The following PCDH15 variants were observed in gnomAD, a reference collection of about 807,000 sequenced individuals.
PCDH15 encodes the protein protocadherin related 15.
PCDH15 carries 129 observed loss-of-function variants against 178.5 expected under a neutral mutation model. That is an observed-to-expected ratio of 0.72 (90% CI 0.63 to 0.84). The LOEUF (loss-of-function observed/expected upper bound fraction) is 0.84. Among genes scored for constraint, PCDH15 ranks in the 40% least tolerant of loss-of-function variants. The pLI is 0.00. For synonymous variants in PCDH15, 800 were observed against 732.0 expected (o/e 1.09, Z -1.50); for missense variants, 2,230 against 2,099.9 (o/e 1.06, Z -1.21).
chr10:54,613,002 T>C (rs187506177), intron 2 of PCDH15, among the ~76,000 whole-genome samples: 34 of 151,906 alleles, frequency 2.2e-4, no homozygotes, highest in African/African-American at 8.2e-4. Context: ...CATGGCATAA[T>C]TTTACATTTT....
chr10:54,622,176 T>G lies in PCDH15; in HGVS notation c.91+41996A>C, dbSNP rs535854325. On this transcript the variant is annotated intron_variant, in intron 2 of 37. Coordinates refer to ENST00000644397, the MANE Select transcript of PCDH15 (RefSeq NM_001384140.1). ...GTACCATCCCTGTCATAGGAAGAGA[T>G]ATTTTAGTGTCTGAATCTGTGAGGG... 3.3e-5 allele frequency among the ~76,000 whole-genome samples: 5 copies of G among 151,844 alleles called. No homozygotes were observed. In the East Asian group the frequency reaches 9.8e-4, roughly 30 times the overall value.
intron 2 of PCDH15, among the ~76,000 whole-genome samples, chr10:55,353,236 G>C (rs892330544): frequency 1.3e-5 from 2 of 152,006 alleles, no homozygotes; most frequent in Non-Finnish European, 2.9e-5. Context: ...TTACACTATA[G>C]GAATAAACAT....
chr10:53,926,273 GAAACA>G (rs749947070), intron 25 of PCDH15, among the ~76,000 whole-genome samples: 10 of 151,966 alleles, frequency 6.6e-5, no homozygotes, highest in East Asian at 1.9e-4. Flanking sequence ...CCTGCTTTAA[GAAACA>G]AAACAAAACA....
At chr10:54,712,232 AT>A (rs1375318678) in intron 1 of PCDH15, among the ~76,000 whole-genome samples, 1 of 151,914 alleles carries the variant, frequency 6.6e-6, no homozygotes. Context: ...AAAAATGAAT[AT>A]TTAAAAAAGC....
intron 28 of PCDH15, among the ~76,000 whole-genome samples, chr10:53,850,650 G>T (rs545318864): frequency 9.2e-5 from 14 of 151,934 alleles, no homozygotes; most frequent in African/African-American, 3.1e-4. Flanking sequence ...TTATTTTTAT[G>T]ATTGCTTTTA....
At chr10:53,957,254 C>G (rs147736329) in intron 23 of PCDH15, among the ~76,000 whole-genome samples, 1 of 151,178 alleles carries the variant, frequency 6.6e-6, no homozygotes, top group African/African-American at 2.5e-5. Context: ...AAACTGTGAG[C>G]GTTTTTTTGG....
At chr10:54,584,730 C>T (rs139958965) in intron 2 of PCDH15, among the ~76,000 whole-genome samples, 1 of 152,150 alleles carries the variant, frequency 6.6e-6, no homozygotes, top group African/African-American at 2.4e-5. Context: ...TATCTCTCTG[C>T]TGTGTAGGAA....
intron 1 of PCDH15, among the ~76,000 whole-genome samples, chr10:54,762,941 T>G (rs1241937993): frequency 6.6e-6 from 1 of 152,204 alleles, no homozygotes; most frequent in African/African-American, 2.4e-5. Context: ...AATAATCTTT[T>G]TATTCTTTTT....
intron 2 of PCDH15, chr10:54,600,217 G>A (rs113727515): frequency 1.7e-6 from 1 of 599,334 alleles, no homozygotes; most frequent in African/African-American, 1.9e-5. Context: ...CTTGGAGAAA[G>A]AGACCAAAGA....
chr10:53,934,176 CTTGTATACTAGGAA>C (rs1161832805), intron 25 of PCDH15, among the ~76,000 whole-genome samples: 1 of 152,062 alleles, frequency 6.6e-6, no homozygotes, highest in Non-Finnish European at 1.5e-5. Context: ...AGATTCAACA[CTTGTATACTAGGAA>C]TCTCCCAGTG....
At position 54,924,237 on chromosome 10, in the gene PCDH15, C is replaced by T. The variant is rs1344333746; in HGVS notation, c.-79-26737G>A. On this transcript the variant is annotated intron_variant, in intron 2 of 5. Coordinates refer to the PCDH15 transcript ENST00000458638. ...TCACAAGAACAGCAGGGGGGAAATC[C>T]GCCCCCATGATCCAATCACCTCCTC... is the stretch of plus-strand genomic sequence containing the variant. 8.0e-5 allele frequency among the ~76,000 whole-genome samples: 11 copies of T among 137,148 alleles called. 3 individuals carry two copies. Among genetic ancestry groups the T allele is most frequent in the South Asian group, 4.6e-4 (2 of 4,350 alleles). The allele number at this position is 137,148 out of a possible 152,430, so 90.0% of individuals were successfully genotyped here.
chr10:55,434,560 AAC>A (rs1838986904), intron 2 of PCDH15, among the ~76,000 whole-genome samples: 1 of 152,100 alleles, frequency 6.6e-6, no homozygotes, highest in Non-Finnish European at 1.5e-5. Context: ...GCTCTTCATT[AAC>A]ATGTTTCAAA....
intron 13 of PCDH15, among the ~76,000 whole-genome samples, chr10:54,182,631 A>G (rs2133789089): frequency 6.6e-6 from 1 of 152,162 alleles, no homozygotes; most frequent in East Asian, 1.9e-4. Context: ...CATGTTTTCA[A>G]AGTTACCATT....
chr10:54,287,380 A>C (rs933870449), intron 8 of PCDH15, among the ~76,000 whole-genome samples: 5 of 152,190 alleles, frequency 3.3e-5, no homozygotes, highest in Non-Finnish European at 7.3e-5. Context: ...AGACAGAAAT[A>C]TTATAGTTTC....
chr10:55,326,368 G>T (rs189589799), intron 2 of PCDH15, among the ~76,000 whole-genome samples: 8 of 152,186 alleles, frequency 5.3e-5, no homozygotes, highest in African/African-American at 1.7e-4. Flanking sequence ...TAAAGAAAAT[G>T]TAGTACATGC....
At chr10:53,911,997 A>G (rs1163189680) in intron 25 of PCDH15, among the ~76,000 whole-genome samples, 1 of 152,200 alleles carries the variant, frequency 6.6e-6, no homozygotes. Flanking sequence ...CAACAAAAAA[A>G]GAGAATTTTA....
chr10:54,429,418 G>T (rs1956687103), intron 3 of PCDH15, among the ~76,000 whole-genome samples: 1 of 152,156 alleles, frequency 6.6e-6, no homozygotes, highest in African/African-American at 2.4e-5. Flanking sequence ...GAAGAAGGAA[G>T]TGAAGACCAC....
At chr10:54,775,757 C>T (rs1949622009) in intron 1 of PCDH15, among the ~76,000 whole-genome samples, 1 of 152,028 alleles carries the variant, frequency 6.6e-6, no homozygotes, top group South Asian at 2.1e-4. Flanking sequence ...TGGTGGCGGG[C>T]GCCTGTAGTC....
At chr10:55,297,449 T>C (rs1843161722) in intron 1 of PCDH15, among the ~76,000 whole-genome samples, 1 of 152,146 alleles carries the variant, frequency 6.6e-6, no homozygotes, top group African/African-American at 2.4e-5. Context: ...TGTTTTTATT[T>C]GTAATTTAAG....
Sources: gnomAD v4.1 joint callset for allele counts (sites outside exome capture counted in the v4.1 genomes callset) on GRCh38, gnomAD v4.1.1 for gene constraint, MANE v1.5 for transcripts, NCBI Gene and HGNC (gene_info 2026-07-23, HGNC 2026-07-21) for gene names.